Variants in C2orf66 observed in about 807,000 individuals in gnomAD.
C2orf66 encodes the protein uncharacterized protein C2orf66.
In C2orf66, 6 loss-of-function variants were observed where a neutral mutation model predicts 7.0. The observed-to-expected ratio is 0.86, with a 90% CI of 0.47 to 1.69. C2orf66 has a LOEUF of 1.69. Ranked by LOEUF, C2orf66 falls within the 40% of genes most tolerant of loss-of-function variation. The pLI is 0.01. For synonymous variants in C2orf66, 38 were observed against 43.8 expected (o/e 0.87, Z 0.52); for missense variants, 107 against 112.0 (o/e 0.96, Z 0.20).
the C2orf66 span, among the ~76,000 whole-genome samples, chr2:196,827,298 GA>G: frequency 2.7e-5 from 4 of 150,894 alleles, no homozygotes; most frequent in East Asian, 5.8e-4. Flanking sequence ...AACATTGGGG[GA>G]AAAAACTTGT....
chr2:196,815,308 G>A, the C2orf66 span, among the ~76,000 whole-genome samples: 2 of 152,064 alleles, frequency 1.3e-5, no homozygotes, highest in South Asian at 4.2e-4. Context: ...AGAGCAGAAG[G>A]TACTACTGAT....
At chr2:196,823,515 T>C in the C2orf66 span, among the ~76,000 whole-genome samples, 1 of 151,530 alleles carries the variant, frequency 6.6e-6, no homozygotes, top group Admixed American at 6.6e-5. Context: ...TTCCAGTTAC[T>C]TGGGGGGGCT....
the C2orf66 span, among the ~76,000 whole-genome samples, chr2:196,827,319 G>A: frequency 6.9e-6 from 1 of 145,950 alleles, no homozygotes; most frequent in African/African-American, 2.5e-5. Flanking sequence ...TTGGAACAAA[G>A]AATTTAAAAT....
chr2:196,828,895 C>G, the C2orf66 span, among the ~76,000 whole-genome samples: 1 of 152,154 alleles, frequency 6.6e-6, no homozygotes, highest in Non-Finnish European at 1.5e-5. Context: ...TCAGATGGGA[C>G]AGCAACCTGG....
chr2:196,832,057 T>C, the C2orf66 span: 1 of 151,988 alleles, frequency 6.6e-6, no homozygotes, highest in Non-Finnish European at 1.5e-5. Flanking sequence ...CAAGTTAGCA[T>C]AAGAAATGTG....
At chr2:196,810,453 T>C (rs1234487523), upstream of C2orf66, among the ~76,000 whole-genome samples, 2 of 152,240 alleles carry the variant, frequency 1.3e-5, no homozygotes, top group African/African-American at 4.8e-5. Flanking sequence ...AGTGGCATCA[T>C]TTATCATAAT....
chr2:196,820,583 C>T, the C2orf66 span, among the ~76,000 whole-genome samples: 1 of 152,212 alleles, frequency 6.6e-6, no homozygotes, highest in African/African-American at 2.4e-5. Context: ...ATAGACCATA[C>T]TCTTCTCAAT....
At chr2:196,811,421 G>A (rs1400446221), upstream of C2orf66, among the ~76,000 whole-genome samples, 1 of 152,148 alleles carries the variant, frequency 6.6e-6, no homozygotes, top group Non-Finnish European at 1.5e-5. Context: ...TTGGATTAGG[G>A]CGATGTTAGC....
the C2orf66 span, among the ~76,000 whole-genome samples, chr2:196,818,251 T>C: frequency 7.2e-5 from 11 of 152,078 alleles, no homozygotes; most frequent in Admixed American, 2.0e-4. Context: ...TGGCCATGCT[T>C]CCTCCAGAGT....
chr2:196,810,576 C>T (rs79426345), upstream of C2orf66, among the ~76,000 whole-genome samples: 1,452 of 152,186 alleles, frequency 9.5e-3, 27 homozygotes, highest in African/African-American at 0.034. Flanking sequence ...AATGGTAGGC[C>T]GAGAAATTGG....
At chr2:196,805,685 C>G (rs1261347554) in intron 2 of C2orf66, among the ~76,000 whole-genome samples, 1 of 151,962 alleles carries the variant, frequency 6.6e-6, no homozygotes, top group Non-Finnish European at 1.5e-5. Flanking sequence ...ATTCCATGCT[C>G]ACATGAAAGT....
the C2orf66 span, among the ~76,000 whole-genome samples, chr2:196,824,594 TCCAGCAACAAGATGAAGAAAGAATACAA>T: frequency 3.9e-5 from 6 of 152,210 alleles, no homozygotes; most frequent in African/African-American, 1.4e-4. Context: ...AACTGTAAGG[TCCAGCAACAAGATGAAGAAAGAATACAA>T]TGGAGATTCA....
the C2orf66 span, among the ~76,000 whole-genome samples, chr2:196,829,852 A>C: frequency 0.02 from 3,056 of 151,036 alleles, 80 homozygotes; most frequent in African/African-American, 0.057. Flanking sequence ...AGCCGAGATC[A>C]CGCCACTGCA....
At chr2:196,823,455 T>A in the C2orf66 span, among the ~76,000 whole-genome samples, 1 of 151,822 alleles carries the variant, frequency 6.6e-6, no homozygotes, top group Non-Finnish European at 1.5e-5. Context: ...AAATCCTGCC[T>A]CTGCAAAAAA....
chr2:196,817,875 G>T, the C2orf66 span, among the ~76,000 whole-genome samples: 1 of 152,158 alleles, frequency 6.6e-6, no homozygotes, highest in Non-Finnish European at 1.5e-5. Context: ...CCCACAGGCA[G>T]TCAGACCTTA....
At chr2:196,820,538 G>C in the C2orf66 span, among the ~76,000 whole-genome samples, 1 of 152,162 alleles carries the variant, frequency 6.6e-6, no homozygotes, top group Non-Finnish European at 1.5e-5. Flanking sequence ...CCTCTGCTTT[G>C]TCACTACTCA....
the C2orf66 span, among the ~76,000 whole-genome samples, chr2:196,821,676 T>C: frequency 3.3e-5 from 5 of 152,196 alleles, no homozygotes; most frequent in Admixed American, 3.3e-4. Context: ...ATGAGTCACA[T>C]AATTTTGTAT....
At chr2:196,812,235 A>G (rs538114560), upstream of C2orf66, among the ~76,000 whole-genome samples, 22 of 152,172 alleles carry the variant, frequency 1.4e-4, no homozygotes, top group Non-Finnish European at 2.4e-4. Context: ...TTTAAAGTAT[A>G]TAATAATATT....
upstream of C2orf66, among the ~76,000 whole-genome samples, chr2:196,813,570 T>C (rs942125768): frequency 4.6e-5 from 7 of 152,120 alleles, no homozygotes; most frequent in Non-Finnish European, 7.3e-5. Context: ...AAGCCAAAAT[T>C]GGCAAATGGG....
Sources: gnomAD v4.1 joint callset for allele counts (sites outside exome capture counted in the v4.1 genomes callset) on GRCh38, gnomAD v4.1.1 for gene constraint, MANE v1.5 for transcripts, NCBI Gene and HGNC (gene_info 2026-07-23, HGNC 2026-07-21) for gene names.